LHX8: variants seen among roughly 807,000 people sequenced by gnomAD.
LHX8 encodes the protein LIM homeobox 8.
LHX8 carries 12 observed loss-of-function variants against 40.3 expected under a neutral mutation model. The ratio of observed to expected loss-of-function variants is 0.30; its 90% CI spans 0.19 to 0.48. The LOEUF is 0.48. Ranked by LOEUF, LHX8 falls within the 20% of genes least tolerant of loss-of-function variation. The probability of loss-of-function intolerance (pLI) is 0.99; values close to 1 mark genes in which losing one functional copy is unlikely to be tolerated. For synonymous variants in LHX8, 179 were observed against 162.0 expected (o/e 1.10, Z -0.80); for missense variants, 344 against 433.7 (o/e 0.79, Z 1.84).
In LHX8 at chr1:75,147,648, T is replaced by C. The variant is rs140261769; in HGVS notation, c.685-939T>C. On this transcript the variant is annotated intron_variant, in intron 6 of 8. Transcript: ENST00000356261. ...ATGCCTGTAGACAAGCACAATCACATTGGGTGCCAAGCTCTTCTCTCTCAT... is the reference window on the plus strand; with the variant it reads ...ATGCCTGTAGACAAGCACAATCACACTGGGTGCCAAGCTCTTCTCTCTCAT... 2.4e-4 allele frequency among the ~76,000 whole-genome samples: 37 copies of C among 152,284 alleles called. No homozygotes were observed. In the East Asian group the frequency reaches 6.9e-3, roughly 29 times the overall value.
chr1:75,160,929 T>C lies in LHX8; in HGVS notation c.*34T>C. 6.9e-7 allele frequency: 1 copy of C among 1,449,732 alleles called. No individual in the cohort carries two copies. Among genetic ancestry groups the C allele is most frequent in the East Asian group, 2.3e-5 (1 of 44,090 alleles). The allele number at this position is 1,449,732 out of a possible 1,614,324, so 89.8% of individuals were successfully genotyped here. ...TCAGGGATAGACTTGATTAAGGATA[T>C]AAATTTGTCATTTATTATGTATAAA... On this transcript the variant is annotated 3_prime_UTR_variant, in exon 9 of 9. Coordinates refer to ENST00000356261, the MANE Select transcript of LHX8 (RefSeq NM_001256114.2).
intron 6 of LHX8, among the ~76,000 whole-genome samples, chr1:75,147,018 G>A (rs116740100): frequency 6.6e-6 from 1 of 152,062 alleles, no homozygotes; most frequent in Non-Finnish European, 1.5e-5. Context: ...TCTTTTTGGG[G>A]TTATTACATG....
chr1:75,154,388 AGT>A (rs1286948045), intron 7 of LHX8, among the ~76,000 whole-genome samples: 1 of 132,536 alleles, frequency 7.5e-6, no homozygotes, highest in Non-Finnish European at 1.7e-5. Context: ...ACAAAGTTTG[AGT>A]GTTTTTTTTT....
chr1:75,135,256 C>T lies in LHX8; in HGVS notation c.-13+302C>T, dbSNP rs138734452. On this transcript the variant is annotated intron_variant, in intron 1 of 8. Coordinates refer to ENST00000356261, the MANE Select transcript of LHX8 (RefSeq NM_001256114.2). ...GAAGCTGACAAGCTCTCACCTCACT[C>T]GGGAGGCAGGACCTGTGGGTATTTG... 7.0e-3 allele frequency among the ~76,000 whole-genome samples: 1,065 copies of T among 152,376 alleles called. 10 individuals carry two copies. The highest frequency in any genetic ancestry group is 0.01 in the Middle Eastern group (3 of 294).
chr1:75,147,396 C>T (rs1211865541), intron 6 of LHX8, among the ~76,000 whole-genome samples: 2 of 152,192 alleles, frequency 1.3e-5, no homozygotes, highest in African/African-American at 2.4e-5. Flanking sequence ...GGGAGTTTAA[C>T]TCCTAGGGAT....
At chr1:75,142,106 G>T (rs1421132969) in intron 4 of LHX8, among the ~76,000 whole-genome samples, 1 of 152,114 alleles carries the variant, frequency 6.6e-6, no homozygotes, top group Non-Finnish European at 1.5e-5. Flanking sequence ...CTTGGGATAG[G>T]CTAATCTTAA....
intron 6 of LHX8, 74 bp downstream of exon 6, chr1:75,144,022 C>T (rs1648394594): frequency 1.8e-6 from 2 of 1,106,070 alleles, no homozygotes; most frequent in African/African-American, 1.6e-5. Context: ...CTCCATGCTG[C>T]CCAAAAACAT....
chr1:75,134,007 T>A (rs1368200472), upstream of LHX8, among the ~76,000 whole-genome samples: 2 of 152,050 alleles, frequency 1.3e-5, no homozygotes, highest in Non-Finnish European at 1.5e-5. Context: ...TTCAAGAGAA[T>A]GACTAAAACT....
At chr1:75,184,056 G>A in the LHX8 span, among the ~76,000 whole-genome samples, 1 of 152,108 alleles carries the variant, frequency 6.6e-6, no homozygotes. Flanking sequence ...GGTAAAGAGT[G>A]CAATTCAACA....
the LHX8 span, among the ~76,000 whole-genome samples, chr1:75,167,441 G>A: frequency 6.6e-6 from 1 of 152,050 alleles, no homozygotes; most frequent in East Asian, 1.9e-4. Flanking sequence ...GAAAAAAAAT[G>A]CCACCATCTT....
At chr1:75,140,904 T>C in intron 3 of LHX8, 81 bp from the exon 4 acceptor site, 1 of 1,440,416 alleles carries the variant, frequency 6.9e-7, no homozygotes, top group Non-Finnish European at 9.7e-7. Context: ...AAGGGGCCAG[T>C]TTTTTAAATT....
chr1:75,195,548 T>A, the LHX8 span, among the ~76,000 whole-genome samples: 2 of 152,158 alleles, frequency 1.3e-5, no homozygotes, highest in Non-Finnish European at 2.9e-5. Context: ...CCAGCCCTCA[T>A]GCCTCTTGGC....
chr1:75,188,554 C>T, the LHX8 span, among the ~76,000 whole-genome samples: 5 of 152,140 alleles, frequency 3.3e-5, no homozygotes, highest in African/African-American at 4.8e-5. Flanking sequence ...CTTGGGCTCC[C>T]TCCCTTGGAA....
chr1:75,161,082 G>A lies in LHX8; in HGVS notation c.*187G>A, dbSNP rs1350233965. 1.7e-6 allele frequency: 1 copy of A among 576,594 alleles called. No individual in the cohort carries two copies. The highest frequency in any genetic ancestry group is 1.9e-5 in the African/African-American group (1 of 53,130). The allele number at this position is 576,594 out of a possible 1,614,324, so 35.7% of individuals were successfully genotyped here. A position where few individuals can be genotyped will look rare whatever the true frequency, so the allele number is the denominator to read the frequency against. On this transcript the variant is annotated 3_prime_UTR_variant, in exon 9 of 9. Coordinates refer to ENST00000356261, the MANE Select transcript of LHX8 (RefSeq NM_001256114.2). ...CACTTTTATTAATTCTTCATTTTTT[G>A]TAAAACTTATGTTTACAAGAAGAAA...
chr1:75,166,026 G>A (rs1649025131), downstream of LHX8, among the ~76,000 whole-genome samples: 1 of 152,134 alleles, frequency 6.6e-6, no homozygotes, highest in Non-Finnish European at 1.5e-5. Flanking sequence ...AAAAGACATG[G>A]TAAAAACATG....
At chr1:75,152,443 CAG>C (rs1266905693) in intron 7 of LHX8, among the ~76,000 whole-genome samples, 6 of 152,180 alleles carry the variant, frequency 3.9e-5, no homozygotes, top group Non-Finnish European at 8.8e-5. Flanking sequence ...TGTGCAGAGA[CAG>C]AGTAAACTAT....
At chr1:75,184,005 C>A in the LHX8 span, among the ~76,000 whole-genome samples, 2 of 152,076 alleles carry the variant, frequency 1.3e-5, no homozygotes, top group Admixed American at 1.3e-4. Flanking sequence ...AGATTTTAAA[C>A]CACAAAGATC....
the LHX8 span, chr1:75,183,017 C>T: frequency 1.3e-5 from 2 of 152,132 alleles, no homozygotes; most frequent in African/African-American, 4.8e-5. Flanking sequence ...AGATATCTGC[C>T]TTGCTGTTAT....
chr1:75,191,108 T>G, the LHX8 span, among the ~76,000 whole-genome samples: 2,934 of 152,142 alleles, frequency 0.019, 92 homozygotes, highest in African/African-American at 0.068. Flanking sequence ...TGGAAAACAT[T>G]AAACTTTGAG....
Sources: allele counts gnomAD v4.1 joint callset (sites outside exome capture counted in the v4.1 genomes callset), GRCh38; gene constraint gnomAD v4.1.1; transcripts MANE v1.5; gene names NCBI Gene and HGNC (gene_info 2026-07-23, HGNC 2026-07-21).